Variants in CMTM2 observed in about 807,000 individuals in gnomAD.
The protein encoded by CMTM2 is CKLF-like MARVEL transmembrane domain-containing protein 2.
CMTM2 carries 15 observed loss-of-function variants against 16.8 expected under a neutral mutation model. That is an observed-to-expected ratio of 0.89 (90% CI 0.60 to 1.37). The LOEUF (loss-of-function observed/expected upper bound fraction) is 1.37, where lower values mean the gene tolerates loss of function less well. Among genes scored for constraint, CMTM2 ranks in the 40% most tolerant of loss-of-function variants. CMTM2 has a pLI of 0.00. For missense variants in CMTM2, 282 were observed against 318.0 expected (o/e 0.89, Z 0.86); for synonymous variants, 117 against 118.7 (o/e 0.99, Z 0.09).
Position 66,580,033 on chromosome 16 carries a change from T to G in CMTM2, c.293T>G (p.Leu98Arg). Residue 98 changes from leucine to arginine, a missense_variant, in exon 2 of 4, where the codon CTA becomes CGA. Transcript: ENST00000268595. ...GTCTATGTCTCACTGCAGGGCTGCC[T>G]AATAGCTGCAATGATACTGTTGTCC... is the stretch of plus-strand genomic sequence containing the variant. ...AEIKIRSLGC[L>R]IAAMILLSSL... 1.9e-6 allele frequency: 3 copies of G among 1,614,108 alleles called. No individual in the cohort carries two copies. The highest frequency in any genetic ancestry group is 2.5e-6 in the Non-Finnish European group (3 of 1,180,008).
rs11553598 is a variant in CMTM2, at chr16:66,579,622, G to T, written c.15G>T (p.Ala5=). Residue 5 remains alanine (A), a synonymous_variant, in exon 1 of 4, where the codon GCG becomes GCT. Transcript: ENST00000268595. This position sits in a 1 kb window ranked among gnomAD's most constrained non-coding sequence, Gnocchi z 6.5. ...CCGAGTCAGTCATGGCACCTAAGGCGGCAAAGGGGGCCAAGCCAGAGCCAG... is the reference window on the plus strand; with the variant it reads ...CCGAGTCAGTCATGGCACCTAAGGCTGCAAAGGGGGCCAAGCCAGAGCCAG... MAPK[A]AKGAKPEPAP... 53 of 1,613,756 alleles carry T rather than the reference G, an allele frequency of 3.3e-5. No individual in the cohort carries two copies. In the African/African-American group the frequency reaches 5.6e-4, roughly 17 times the overall value.
intron 2 of CMTM2, among the ~76,000 whole-genome samples, chr16:66,584,933 C>T (rs2144704722): frequency 6.7e-6 from 1 of 148,682 alleles, no homozygotes; most frequent in East Asian, 2.0e-4. Context: ...AGCCCTGCCT[C>T]TACAAAAACA....
Position 66,587,042 on chromosome 16 carries a change from G to A in CMTM2, c.490G>A (p.Val164Met), listed in dbSNP as rs149370651. 171 of 1,613,982 alleles carry A rather than the reference G, an allele frequency of 1.1e-4. No individual in the cohort carries two copies. Among genetic ancestry groups the A allele is most frequent in the African/African-American group, 6.1e-4 (46 of 74,896 alleles). Residue 164 changes from valine to methionine, a missense_variant, in exon 3 of 4, where the codon GTG becomes ATG. Val to Met is a conservative substitution (Grantham distance 21). Coordinates refer to ENST00000268595, the MANE Select transcript of CMTM2 (RefSeq NM_144673.3). Reference sequence around the variant, plus strand: ...TGCTTGTGCGTTCCTTGTGGGAGCCGTGGTCTTTGCTGTGAGAAGTCGGCG... The same window carrying A: ...TGCTTGTGCGTTCCTTGTGGGAGCCATGGTCTTTGCTGTGAGAAGTCGGCG... ...LIACAFLVGA[V>M]VFAVRSRRSM...
At chr16:66,586,216 T>C (rs1381512466) in intron 2 of CMTM2, among the ~76,000 whole-genome samples, 1 of 151,916 alleles carries the variant, frequency 6.6e-6, no homozygotes, top group Non-Finnish European at 1.5e-5. Flanking sequence ...CCCAGTGAGA[T>C]GCTAGAGTCC....
At chr16:66,580,834 A>G (rs1436444556) in intron 2 of CMTM2, 1 of 152,336 alleles carries the variant, frequency 6.6e-6, no homozygotes, top group East Asian at 1.9e-4. Context: ...TTAAATGTAA[A>G]TTGCTTGACA....
At chr16:66,581,658 G>A (rs922537541) in intron 2 of CMTM2, among the ~76,000 whole-genome samples, 1 of 152,220 alleles carries the variant, frequency 6.6e-6, no homozygotes, top group African/African-American at 2.4e-5. Context: ...CCTCCTTAGG[G>A]AAAAGATGGA....
chr16:66,587,500 C>T (rs13335516), intron 3 of CMTM2, among the ~76,000 whole-genome samples: 9,145 of 151,734 alleles, frequency 0.06, 436 homozygotes, highest in Admixed American at 0.12. Context: ...GAGGTTGCAG[C>T]GAGCAGAGAT....
intron 2 of CMTM2, among the ~76,000 whole-genome samples, chr16:66,585,667 G>A (rs1466268156): frequency 6.6e-6 from 1 of 152,110 alleles, no homozygotes; most frequent in Non-Finnish European, 1.5e-5. Context: ...AGCTCCATCC[G>A]TGAAGTTGGA....
Position 66,580,019 on chromosome 16 carries a change from A to G in CMTM2, c.286-7A>G. The G allele has an allele frequency of 1.2e-6, 2 of 1,614,090 alleles. No individual in the cohort carries two copies. The highest frequency in any genetic ancestry group is 1.7e-6 in the Non-Finnish European group (2 of 1,179,990). ...CTGCTGGCTCAGGTGTCTATGTCTC[A>G]CTGCAGGGCTGCCTAATAGCTGCAA... is the stretch of plus-strand genomic sequence containing the variant. On this transcript the variant is annotated splice_polypyrimidine_tract_variant and splice_region_variant and intron_variant, in intron 1 of 3. Transcript: ENST00000268595.
At position 66,586,321 on chromosome 16, in the gene CMTM2, C is replaced by T. The variant is rs143065233; in HGVS notation, c.445-676C>T. 7.7e-3 allele frequency among the ~76,000 whole-genome samples: 1,179 copies of T among 152,144 alleles called. 21 individuals carry two copies. Among genetic ancestry groups the T allele is most frequent in the African/African-American group, 0.027 (1,129 of 41,490 alleles). ...GGGGTCCTTAAGAGGGACATCATGA[C>T]GTTTTATAGTTGTGTATTTATTTAA... On this transcript the variant is annotated intron_variant, in intron 2 of 3. Transcript: ENST00000268595.
chr16:66,579,635 A>G lies in CMTM2; in HGVS notation c.28A>G (p.Lys10Glu). 1 of 1,614,032 alleles carries G rather than the reference A, an allele frequency of 6.2e-7. No homozygotes were observed. Among genetic ancestry groups the G allele is most frequent in the Non-Finnish European group, 8.5e-7 (1 of 1,179,996 alleles). MAPKAAKGA[K>E]PEPAPAPPPP... ...GGCACCTAAGGCGGCAAAGGGGGCC[A>G]AGCCAGAGCCAGCACCAGCTCCACC... Residue 10 changes from lysine to glutamate, a missense_variant, in exon 1 of 4, where the codon AAG becomes GAG. Physicochemically the swap from Lys to Glu is moderately conservative, Grantham distance 56. Coordinates refer to ENST00000268595, the MANE Select transcript of CMTM2 (RefSeq NM_144673.3). This position sits in a 1 kb window ranked among gnomAD's most constrained non-coding sequence, Gnocchi z 6.5.
At chr16:66,581,706 A>AT (rs1345158941) in intron 2 of CMTM2, among the ~76,000 whole-genome samples, 1 of 152,236 alleles carries the variant, frequency 6.6e-6, no homozygotes. Context: ...ACACAGAGGA[A>AT]TAAGAAAACA....
chr16:66,582,568 G>A (rs889863779), intron 2 of CMTM2, among the ~76,000 whole-genome samples: 3 of 152,186 alleles, frequency 2.0e-5, no homozygotes, highest in Non-Finnish European at 2.9e-5. Flanking sequence ...CAAGCATGGT[G>A]GCACATGCCT....
chr16:66,580,327 C>T (rs2014708821), intron 2 of CMTM2, 143 bp downstream of exon 2: 1 of 840,198 alleles, frequency 1.2e-6, no homozygotes, highest in African/African-American at 1.7e-5. Context: ...CAGTGGGGCC[C>T]AGGCAGAGGC....
rs2014802916 is a variant in CMTM2, at chr16:66,587,114, CT to C, written c.546+17del. 1.3e-6 allele frequency: 2 copies of C among 1,588,864 alleles called. No individual in the cohort carries two copies. The highest frequency in any genetic ancestry group is 2.7e-5 in the African/African-American group (2 of 74,508). ...ACTTGCTGTGGTGAGTCTTTCCATG[CT>C]GGGCCTTGCATTTGCTCTGAATTCA... On this transcript the variant is annotated intron_variant, in intron 3 of 3. Transcript: ENST00000268595.
intron 3 of CMTM2, among the ~76,000 whole-genome samples, chr16:66,587,641 C>T (rs76509252): frequency 0.049 from 7,432 of 152,222 alleles, 285 homozygotes; most frequent in East Asian, 0.11. Flanking sequence ...GGAGCCAGCC[C>T]AAGTTCCTTC....
At chr16:66,582,183 G>A (rs183407865) in intron 2 of CMTM2, among the ~76,000 whole-genome samples, 2 of 152,284 alleles carry the variant, frequency 1.3e-5, no homozygotes, top group African/African-American at 2.4e-5. Context: ...AAAAGAGTAA[G>A]ACACTATGAG....
chr16:66,586,812 A>T (rs548686345), intron 2 of CMTM2, 185 bp from the exon 3 acceptor site: 1 of 575,656 alleles, frequency 1.7e-6, no homozygotes, highest in South Asian at 2.2e-5. Flanking sequence ...GTTTCAATTT[A>T]AAAAGCCCAG....
chr16:66,581,299 C>G (rs1274634532), intron 2 of CMTM2, among the ~76,000 whole-genome samples: 1 of 151,788 alleles, frequency 6.6e-6, no homozygotes, highest in African/African-American at 2.4e-5. Context: ...AAACAAGGAG[C>G]CTGAGAAGAC....
Sources: gnomAD v4.1 joint callset for allele counts (sites outside exome capture counted in the v4.1 genomes callset) on GRCh38, gnomAD v4.1.1 for gene constraint, Gnocchi (gnomAD v3.1) non-coding constraint, MANE v1.5 for transcripts, NCBI Gene and HGNC (gene_info 2026-07-23, HGNC 2026-07-21) for gene names.